The following TBCD variants were observed in gnomAD, a reference collection of about 807,000 sequenced individuals.
TBCD encodes tubulin folding cofactor D.
TBCD carries 105 observed loss-of-function variants against 169.3 expected under a neutral mutation model. That is an observed-to-expected ratio of 0.62 (90% CI 0.53 to 0.73). TBCD has a LOEUF of 0.73. TBCD is among the 30% of genes least tolerant of loss of function. The probability of loss-of-function intolerance (pLI) is 0.00; values close to 1 mark genes in which losing one functional copy is unlikely to be tolerated. For synonymous variants in TBCD, 700 were observed against 643.9 expected, an observed-to-expected ratio of 1.09 and a Z score of -1.32; for missense variants, 1,444 against 1,600.1, an observed-to-expected ratio of 0.90 and a Z score of 1.66.
At chr17:82,780,822 A>G (rs2048900233) in intron 6 of TBCD, among the ~76,000 whole-genome samples, 1 of 151,506 alleles carries the variant, frequency 6.6e-6, no homozygotes, top group South Asian at 2.1e-4. Context: ...TTTTTTGTGT[A>G]TTTTTAATAG....
intron 38 of TBCD, 162 bp downstream of exon 38, chr17:82,941,645 T>C: frequency 1.5e-6 from 1 of 664,530 alleles, no homozygotes. Context: ...AGAGCTGCCT[T>C]CTCTGGCCAC....
chr17:82,920,439 G>T lies in TBCD; in HGVS notation c.2039-117G>T. ...CAGCCCTGGCAGCAGGGTAGGTTGG[G>T]CGGGTGAGGGGCAGGAGCTGGCCGC... On this transcript the variant is annotated intron_variant, in intron 23 of 38. Coordinates refer to ENST00000355528, the MANE Select transcript of TBCD (RefSeq NM_005993.5). The surrounding 1 kb of genome is among the most constrained non-coding windows in gnomAD (Gnocchi z 4.1). 1 of 834,334 alleles carries T rather than the reference G, an allele frequency of 1.2e-6. No individual in the cohort carries two copies. The highest frequency in any genetic ancestry group is 1.9e-6 in the Non-Finnish European group (1 of 527,124). The allele number at this position is 834,334 out of a possible 1,614,324, so 51.7% of individuals were successfully genotyped here.
chr17:82,827,920 G>T (rs946343629), intron 13 of TBCD, among the ~76,000 whole-genome samples: 21 of 131,504 alleles, frequency 1.6e-4, no homozygotes, highest in African/African-American at 6.0e-4. Context: ...CACCCCCATA[G>T]ATATGAGCAC....
chr17:82,830,626 G>T, intron 13 of TBCD: 7 of 1,614,042 alleles, frequency 4.3e-6, no homozygotes, highest in Non-Finnish European at 5.9e-6. Flanking sequence ...AGGCCTCGGA[G>T]CCTGGGTGTT....
In TBCD at chr17:82,760,655, C is replaced by T. The variant is rs1213864766; in HGVS notation, c.236-3310C>T. On this transcript the variant is annotated intron_variant, in intron 2 of 38. Coordinates refer to ENST00000355528, the MANE Select transcript of TBCD (RefSeq NM_005993.5). ...ATCTTTATAGGGATATAATTACATA[C>T]TATAGAGTTCACTCTTCTAAATATA... Among the ~76,000 whole-genome samples, 3 of 152,194 alleles carry T rather than the reference C, an allele frequency of 2.0e-5. No homozygotes were observed. In the East Asian group the frequency reaches 5.8e-4, roughly 29 times the overall value.
intron 2 of TBCD, among the ~76,000 whole-genome samples, chr17:82,756,931 C>G (rs2047432869): frequency 6.6e-6 from 1 of 152,214 alleles, no homozygotes; most frequent in African/African-American, 2.4e-5. Flanking sequence ...TTGTCATCTC[C>G]AGTTTACAGA....
chr17:82,859,176 G>A (rs1335983156), intron 13 of TBCD, among the ~76,000 whole-genome samples: 1 of 149,892 alleles, frequency 6.7e-6, no homozygotes, highest in South Asian at 2.2e-4. Context: ...GAGTCTTGTG[G>A]GTCGTCTGGC....
intron 13 of TBCD, among the ~76,000 whole-genome samples, chr17:82,828,148 C>G (rs1334058375): frequency 7.3e-6 from 1 of 136,766 alleles, no homozygotes; most frequent in Non-Finnish European, 1.6e-5. Flanking sequence ...TGTGCATACA[C>G]CCACAGACAC....
chr17:82,796,375 G>A (rs1370170202), intron 7 of TBCD, among the ~76,000 whole-genome samples: 1 of 152,218 alleles, frequency 6.6e-6, no homozygotes, highest in Non-Finnish European at 1.5e-5. Context: ...CTAAAGATGG[G>A]GAAGAGTTCT....
intron 7 of TBCD, chr17:82,795,407 CGT>C (rs1206046794): frequency 3.1e-6 from 1 of 323,642 alleles, no homozygotes; most frequent in African/African-American, 2.2e-5. Context: ...CTTTGTCCTG[CGT>C]CCGCCCACAG....
At position 82,756,060 on chromosome 17, in the gene TBCD, G is replaced by A; in HGVS notation, c.185-105G>A. 4 of 994,698 alleles carry A rather than the reference G, an allele frequency of 4.0e-6. No homozygotes were observed. In the South Asian group the frequency reaches 4.3e-5, roughly 11 times the overall value. The allele number at this position is 994,698 out of a possible 1,614,324, so 61.6% of individuals were successfully genotyped here. On this transcript the variant is annotated intron_variant, in intron 1 of 38. Coordinates refer to ENST00000355528, the MANE Select transcript of TBCD (RefSeq NM_005993.5). ...GTGTGCTCTTGAGAGCTGGGGAAGAGGTGGAGCTGCCCTGTGGAAGCTAGC... is the reference window on the plus strand; with the variant it reads ...GTGTGCTCTTGAGAGCTGGGGAAGAAGTGGAGCTGCCCTGTGGAAGCTAGC...
At chr17:82,919,952 C>T (rs2061315314) in intron 23 of TBCD, among the ~76,000 whole-genome samples, 1 of 152,196 alleles carries the variant, frequency 6.6e-6, no homozygotes, top group Admixed American at 6.5e-5. Context: ...GTGCAGCAGG[C>T]GTCTGCGAGT....
chr17:82,819,149 CT>C (rs1219709556), intron 13 of TBCD, among the ~76,000 whole-genome samples: 3 of 152,154 alleles, frequency 2.0e-5, no homozygotes, highest in African/African-American at 7.2e-5. Flanking sequence ...ATGACTAAAG[CT>C]TTTGTTTGTC....
In TBCD at chr17:82,752,139, G is replaced by A. The variant is rs1038066534; in HGVS notation, c.-55G>A. ...CTTCATCCCTGGCTTTCGCGCTCTA[G>A]CGGAGTGGGATCTGCGAACACGTGA... is the stretch of plus-strand genomic sequence containing the variant. On this transcript the variant is annotated 5_prime_UTR_variant, in exon 1 of 39. Transcript: ENST00000355528. 6.9e-7 allele frequency: 1 copy of A among 1,453,398 alleles called. No homozygotes were observed. The highest frequency in any genetic ancestry group is 9.0e-7 in the Non-Finnish European group (1 of 1,105,550). The allele number at this position is 1,453,398 out of a possible 1,614,324, so 90.0% of individuals were successfully genotyped here.
intron 2 of TBCD, among the ~76,000 whole-genome samples, chr17:82,758,035 CTTG>C (rs778411865): frequency 1.3e-5 from 2 of 152,136 alleles, no homozygotes; most frequent in African/African-American, 4.8e-5. Context: ...AATATTAACA[CTTG>C]TTGTGAGCTG....
rs2057807875 is a variant in TBCD, at chr17:82,874,257, G to A, written c.1475+3877G>A. Among the ~76,000 whole-genome samples the A allele has an allele frequency of 6.6e-6, 1 of 152,192 alleles. No homozygotes were observed. The highest frequency in any genetic ancestry group is 2.4e-5 in the African/African-American group (1 of 41,452). ...GTTTCTCAGGCCTGAAGGACTGTAG[G>A]ACGCACTGTGGGCTGCAGGCTTGAA... On this transcript the variant is annotated intron_variant, in intron 14 of 38. Coordinates refer to ENST00000355528, the MANE Select transcript of TBCD (RefSeq NM_005993.5). This position sits in a 1 kb window ranked among gnomAD's most constrained non-coding sequence, Gnocchi z 5.0.
At chr17:82,773,169 G>T (rs918924969) in intron 6 of TBCD, among the ~76,000 whole-genome samples, 4 of 152,208 alleles carry the variant, frequency 2.6e-5, no homozygotes, top group Non-Finnish European at 4.4e-5. Flanking sequence ...TCGAAAGCTG[G>T]TCCTAAAACC....
In TBCD at chr17:82,833,593, G is replaced by T. The variant is rs9906115; in HGVS notation, c.1318+18659G>T. Among the ~76,000 whole-genome samples, 1 of 152,004 alleles carries T rather than the reference G, an allele frequency of 6.6e-6. No individual in the cohort carries two copies. The highest frequency in any genetic ancestry group is 1.5e-5 in the Non-Finnish European group (1 of 67,984). On this transcript the variant is annotated intron_variant, in intron 13 of 38. Coordinates refer to ENST00000355528, the MANE Select transcript of TBCD (RefSeq NM_005993.5). The surrounding 1 kb of genome is among the most constrained non-coding windows in gnomAD (Gnocchi z 4.7). Reference sequence around the variant, plus strand: ...GTGAGACATGCTTTCACGGTCACCCGGTTCCTGCTGGCCAGGAGGCATGGC... The same window carrying T: ...GTGAGACATGCTTTCACGGTCACCCTGTTCCTGCTGGCCAGGAGGCATGGC...
chr17:82,877,601 A>G (rs563495634), intron 14 of TBCD, among the ~76,000 whole-genome samples: 8 of 152,278 alleles, frequency 5.3e-5, no homozygotes, highest in Non-Finnish European at 1.2e-4. Context: ...TGGCCTCCCA[A>G]AGTGCTGGGA....
Sources: gnomAD v4.1 joint callset for allele counts (sites outside exome capture counted in the v4.1 genomes callset) on GRCh38, gnomAD v4.1.1 for gene constraint, Gnocchi (gnomAD v3.1) non-coding constraint, MANE v1.5 for transcripts, NCBI Gene and HGNC (gene_info 2026-07-23, HGNC 2026-07-21) for gene names.